SLC38A8: variants seen among roughly 807,000 people sequenced by gnomAD.
SLC38A8 encodes the protein amino acid transporter SLC38A8.
A neutral mutation model predicts 46.0 loss-of-function variants in SLC38A8; 65 were observed. That is an observed-to-expected ratio of 1.41 (90% CI 1.16 to 1.74). The LOEUF (loss-of-function observed/expected upper bound fraction) is 1.74, where lower values mean the gene tolerates loss of function less well. Among genes scored for constraint, SLC38A8 ranks in the 40% most tolerant of loss-of-function variants. The pLI is 0.00. For synonymous variants in SLC38A8, 447 were observed against 243.7 expected (o/e 1.83, Z -7.77); for missense variants, 998 against 567.9 (o/e 1.76, Z -7.70).
intron 5 of SLC38A8, among the ~76,000 whole-genome samples, chr16:84,030,561 C>G (rs1413525729): frequency 6.6e-6 from 1 of 152,120 alleles, no homozygotes; most frequent in Non-Finnish European, 1.5e-5. Flanking sequence ...TCTACCTTGA[C>G]TGTTCCAGCC....
chr16:84,020,533 C>T (rs776451132), intron 7 of SLC38A8, among the ~76,000 whole-genome samples: 2 of 152,194 alleles, frequency 1.3e-5, no homozygotes, highest in South Asian at 4.1e-4. Flanking sequence ...TAGCAACGCA[C>T]GCATCCTGCC....
chr16:84,029,962 AGAG>A (rs1473717367), intron 5 of SLC38A8, among the ~76,000 whole-genome samples: 8 of 152,234 alleles, frequency 5.3e-5, no homozygotes, highest in African/African-American at 1.9e-4. Context: ...CTAAGAGGAC[AGAG>A]GTCTGCGTGG....
At chr16:84,011,907 G>A (rs1348454556) in intron 10 of SLC38A8, among the ~76,000 whole-genome samples, 1 of 152,098 alleles carries the variant, frequency 6.6e-6, no homozygotes, top group Non-Finnish European at 1.5e-5. Context: ...AATAAAAGCA[G>A]AGGGATTTCT....
intron 2 of SLC38A8, 133 bp from the exon 3 acceptor site, chr16:84,037,033 G>A (rs1597278688): frequency 4.6e-6 from 4 of 878,094 alleles, no homozygotes; most frequent in Non-Finnish European, 7.0e-6. Flanking sequence ...ACATGGGGTT[G>A]GCAGTCTACC....
At chr16:84,034,059 G>A (rs1028393169) in intron 3 of SLC38A8, among the ~76,000 whole-genome samples, 1 of 152,204 alleles carries the variant, frequency 6.6e-6, no homozygotes, top group South Asian at 2.1e-4. Context: ...TGGCAGTGGG[G>A]CTGGTCTGGA....
At chr16:84,024,207 C>G (rs2085133015) in intron 6 of SLC38A8, among the ~76,000 whole-genome samples, 2 of 152,146 alleles carry the variant, frequency 1.3e-5, no homozygotes, top group Admixed American at 1.3e-4. Context: ...TGCTAGAAGG[C>G]AGGATGGTGG....
chr16:84,020,090 C>G (rs2085077734), intron 7 of SLC38A8, among the ~76,000 whole-genome samples: 1 of 152,158 alleles, frequency 6.6e-6, no homozygotes, highest in African/African-American at 2.4e-5. Context: ...AGGCATTGCC[C>G]TGGCAGAGAC....
intron 6 of SLC38A8, among the ~76,000 whole-genome samples, chr16:84,024,436 C>A (rs2085136460): frequency 1.3e-5 from 2 of 152,216 alleles, no homozygotes; most frequent in Admixed American, 1.3e-4. Context: ...GCTTTGGCCT[C>A]CCTAAGTGCT....
At chr16:84,030,858 G>A (rs377755898) in intron 5 of SLC38A8, among the ~76,000 whole-genome samples, 2 of 148,980 alleles carry the variant, frequency 1.3e-5, no homozygotes, top group African/African-American at 4.8e-5. Context: ...GCACACCCAC[G>A]AGCCAGCCCT....
At chr16:84,017,061 C>T in intron 8 of SLC38A8, 79 bp downstream of exon 8, 1 of 1,567,284 alleles carries the variant, frequency 6.4e-7, no homozygotes, top group South Asian at 1.2e-5. Flanking sequence ...GCCGCGTAGC[C>T]CACACCTGGT....
chr16:84,029,632 G>A (rs983451734), intron 5 of SLC38A8, 81 bp from the exon 6 acceptor site: 2 of 1,368,440 alleles, frequency 1.5e-6, no homozygotes, highest in African/African-American at 2.9e-5. Context: ...GAATTTTAAA[G>A]GATGCTGGGA....
chr16:84,015,576 G>T (rs555211216), intron 9 of SLC38A8, among the ~76,000 whole-genome samples: 1,003 of 2,630 alleles, frequency 0.38, 6 homozygotes, highest in Admixed American at 0.44. Flanking sequence ...TGTGCCCCCG[G>T]CGGGGGTTCA....
intron 3 of SLC38A8, among the ~76,000 whole-genome samples, chr16:84,035,373 T>C (rs78758200): frequency 0.03 from 4,603 of 152,286 alleles, 231 homozygotes; most frequent in African/African-American, 0.11. Context: ...AGGGGCCTTT[T>C]GCTTCATGGG....
chr16:84,017,175 G>A lies in SLC38A8; in HGVS notation c.918C>T (p.Ile306=), dbSNP rs371438480. Residue 306 remains isoleucine (I), a synonymous_variant, in exon 8 of 11, where the codon ATC becomes ATT. Transcript: ENST00000299709. ...IVARVLFAVS[I]VTVYPIVLFL... is the part of the protein sequence containing the mutation. ...AGAGCACGATGGGGTAGACAGTTAC[G>A]ATGGAGACAGCAAAAAGGACCCGGG... 27 of 1,614,088 alleles carry A rather than the reference G, an allele frequency of 1.7e-5. No homozygotes were observed. The highest frequency in any genetic ancestry group is 2.7e-5 in the African/African-American group (2 of 75,000).
intron 6 of SLC38A8, among the ~76,000 whole-genome samples, chr16:84,025,775 A>G (rs917616105): frequency 6.6e-6 from 1 of 152,250 alleles, no homozygotes; most frequent in Non-Finnish European, 1.5e-5. Flanking sequence ...AGGAGGGCAC[A>G]GTGGCCTCCT....
At chr16:84,022,924 C>G in intron 6 of SLC38A8, 35 bp from the exon 7 acceptor site, 1 of 1,499,100 alleles carries the variant, frequency 6.7e-7, no homozygotes, top group African/African-American at 1.4e-5. Context: ...AGGATGCTGG[C>G]TTCCCCTGGA....
Position 84,033,609 on chromosome 16 carries a change from G to A in SLC38A8, c.389-140C>T, listed in dbSNP as rs1196481050. 2.4e-5 allele frequency: 23 copies of A among 942,298 alleles called. 1 individual carries two copies. In the South Asian group the frequency reaches 3.0e-4, roughly 12 times the overall value. The allele number at this position is 942,298 out of a possible 1,614,324, so 58.4% of individuals were successfully genotyped here. On this transcript the variant is annotated intron_variant, in intron 3 of 10. Coordinates refer to ENST00000299709, the MANE Select transcript of SLC38A8 (RefSeq NM_001080442.3). ...GGAGCCCAGGGATCAGACGACAAGT[G>A]AGATGGAGACAGGTCACGTGCCCCA...
chr16:84,028,642 G>A lies in SLC38A8; in HGVS notation c.690+852C>T, dbSNP rs575026207. ...TGCTAGGAGGGCTGCGGGAACCCATGACAGCCCAGAAGCAGAGGACTGAGC... is the reference window on the plus strand; with the variant it reads ...TGCTAGGAGGGCTGCGGGAACCCATAACAGCCCAGAAGCAGAGGACTGAGC... On this transcript the variant is annotated intron_variant, in intron 6 of 10. Transcript: ENST00000299709. 7.9e-5 allele frequency among the ~76,000 whole-genome samples: 12 copies of A among 151,196 alleles called. No individual in the cohort carries two copies. The East Asian group carries it at 1.9e-3, about 25-fold the overall frequency.
At chr16:84,038,395 G>C (rs1390510604) in intron 2 of SLC38A8, among the ~76,000 whole-genome samples, 1 of 151,972 alleles carries the variant, frequency 6.6e-6, no homozygotes, top group Non-Finnish European at 1.5e-5. Context: ...ACTCCCCCAT[G>C]ACAGGTTGCT....
Sources: allele counts gnomAD v4.1 joint callset (sites outside exome capture counted in the v4.1 genomes callset), GRCh38; gene constraint gnomAD v4.1.1; transcripts MANE v1.5; gene names NCBI Gene and HGNC (gene_info 2026-07-23, HGNC 2026-07-21).